Variants in ZNF91 observed in about 807,000 individuals in gnomAD.
ZNF91 encodes zinc finger protein 91 (HPF7, HTF10).
Under a neutral mutation model 12.6 loss-of-function variants are expected in ZNF91, and 7 were observed. That is an observed-to-expected ratio of 0.55 (90% confidence interval 0.31 to 1.04). The LOEUF is 1.04. ZNF91 is among the 50% of genes least tolerant of loss of function. The probability of loss-of-function intolerance (pLI) is 0.05; values close to 1 mark genes in which losing one functional copy is unlikely to be tolerated. For synonymous variants in ZNF91, 453 were observed against 462.6 expected (o/e 0.98, Z 0.27); for missense variants, 1,217 against 1,385.4 (o/e 0.88, Z 1.93).
At chr19:23,384,957 T>C (rs756770450) in intron 1 of ZNF91, 13 of 911,460 alleles carry the variant, frequency 1.4e-5, no homozygotes, top group Non-Finnish European at 2.2e-5. Flanking sequence ...TGCCAAGGCT[T>C]AGCTGCGAGC....
chr19:23,331,630 A>G (rs900868644), intron 1 of ZNF91, among the ~76,000 whole-genome samples: 10 of 152,154 alleles, frequency 6.6e-5, no homozygotes, highest in Admixed American at 6.5e-5. Flanking sequence ...GCTTTTTTTA[A>G]GCAGCTCTAG....
At chr19:23,374,966 C>T (rs1178800157) in intron 1 of ZNF91, among the ~76,000 whole-genome samples, 3 of 152,010 alleles carry the variant, frequency 2.0e-5, no homozygotes, top group Non-Finnish European at 4.4e-5. Context: ...GCATAATACC[C>T]ACAATATCAG....
Position 23,358,465 on chromosome 19 carries a change from A to T in ZNF91, c.*938T>A, listed in dbSNP as rs1968556702. On this transcript the variant is annotated 3_prime_UTR_variant, in exon 4 of 4. Transcript: ENST00000300619. ...AAAAGGTCATAAATAATGCCTCTTC[A>T]TATTTGTAATGCTTTTTCAAAATAC... is the stretch of plus-strand genomic sequence containing the variant. 1 of 152,176 alleles carries T rather than the reference A, an allele frequency of 6.6e-6. No homozygotes were observed. The highest frequency in any genetic ancestry group is 2.1e-4 in the South Asian group (1 of 4,834). The allele number at this position is 152,176 out of a possible 1,614,324, so 9.4% of individuals were successfully genotyped here.
intron 1 of ZNF91, among the ~76,000 whole-genome samples, chr19:23,319,469 T>C (rs1029477238): frequency 1.3e-5 from 2 of 152,232 alleles, no homozygotes. Flanking sequence ...CTGTCCTTTC[T>C]CCCAGGCCCC....
At chr19:23,372,289 C>T (rs1969312296) in intron 3 of ZNF91, among the ~76,000 whole-genome samples, 1 of 151,944 alleles carries the variant, frequency 6.6e-6, no homozygotes, top group Non-Finnish European at 1.5e-5. Context: ...CCATTCCTGA[C>T]AAAAATGCGT....
chr19:23,368,562 C>CTCTCTCTCTCTCTCTCTATATATA (rs768532900), intron 3 of ZNF91, among the ~76,000 whole-genome samples: 1 of 118,578 alleles, frequency 8.4e-6, no homozygotes, highest in African/African-American at 3.3e-5. Flanking sequence ...CTCTCTCTCT[C>CTCTCTCTCTCTCTCTCTATATATA]TATATATATA....
chr19:23,368,562 C>CTCTATATATATATA (rs768532900), intron 3 of ZNF91, among the ~76,000 whole-genome samples: 5 of 118,578 alleles, frequency 4.2e-5, no homozygotes, highest in African/African-American at 1.6e-4. Flanking sequence ...CTCTCTCTCT[C>CTCTATATATATATA]TATATATATA....
chr19:23,360,744 T>C lies in ZNF91; in HGVS notation c.2235A>G (p.Glu745=). ...IHTGEKPYKC[E]ECGKAFNWSS... is the part of the protein sequence containing the mutation. ...ACCAGTTAAATGCTTTGCCACATTC[T>C]TCACACTTGTAAGGTTTCTCTCCAG... Residue 745 remains glutamate (E), a synonymous_variant, in exon 4 of 4, where the codon GAA becomes GAG. Coordinates refer to ENST00000300619, the MANE Select transcript of ZNF91 (RefSeq NM_003430.4). The C allele has an allele frequency of 1.9e-6, 3 of 1,613,776 alleles. No individual in the cohort carries two copies. Among genetic ancestry groups the C allele is most frequent in the Non-Finnish European group, 2.5e-6 (3 of 1,179,812 alleles).
chr19:23,339,631 T>C (rs1245392730), intron 3 of ZNF91: 4 of 152,148 alleles, frequency 2.6e-5, no homozygotes, highest in African/African-American at 9.7e-5. Context: ...CAACAGTGAC[T>C]ATGTAAATGA....
intron 1 of ZNF91, among the ~76,000 whole-genome samples, chr19:23,378,968 A>G (rs1694915740): frequency 6.6e-6 from 1 of 152,116 alleles, no homozygotes; most frequent in Non-Finnish European, 1.5e-5. Flanking sequence ...GTACCAACCA[A>G]AGACATCTCT....
chr19:23,330,960 T>C (rs1171373164), intron 1 of ZNF91, among the ~76,000 whole-genome samples: 1 of 152,200 alleles, frequency 6.6e-6, no homozygotes, highest in Admixed American at 6.5e-5. Flanking sequence ...TTGGAATCAA[T>C]AGTATGTTCA....
chr19:23,350,833 C>A (rs1374215547), intron 3 of ZNF91, among the ~76,000 whole-genome samples: 3 of 152,068 alleles, frequency 2.0e-5, no homozygotes, highest in Non-Finnish European at 4.4e-5. Flanking sequence ...TTCCTTTTTA[C>A]AGAGGACTAT....
rs1041689660 is a variant in ZNF91 at position 23,389,110 on chromosome 19, G to A, written c.30+6215C>T. Among the ~76,000 whole-genome samples the A allele has an allele frequency of 5.3e-5, 8 of 151,902 alleles. No individual in the cohort carries two copies. The East Asian group carries it at 1.4e-3, about 26-fold the overall frequency. On this transcript the variant is annotated intron_variant, in intron 1 of 3. Coordinates refer to ENST00000300619, the MANE Select transcript of ZNF91 (RefSeq NM_003430.4). ...ACAAAACCACCATGACACAATTTTA[G>A]CTGTATAACAAACCTGCATGTGTAC... is the stretch of plus-strand genomic sequence containing the variant.
chr19:23,330,818 A>C (rs1599694057), intron 1 of ZNF91, among the ~76,000 whole-genome samples: 4 of 152,346 alleles, frequency 2.6e-5, no homozygotes, highest in African/African-American at 9.6e-5. Context: ...GTTAAATCTT[A>C]AGGTACTCTA....
At chr19:23,387,941 CAAAAAAA>C (rs71163499) in intron 1 of ZNF91, among the ~76,000 whole-genome samples, 1 of 56,306 alleles carries the variant, frequency 1.8e-5, no homozygotes. Context: ...GAGACTGTCT[CAAAAAAA>C]AAAAAAAAAA....
chr19:23,373,512 G>C (rs557225932), intron 3 of ZNF91, among the ~76,000 whole-genome samples: 7 of 151,750 alleles, frequency 4.6e-5, no homozygotes, highest in Non-Finnish European at 1.0e-4. Context: ...GCCATGAACA[G>C]TACTCTGGCT....
intron 1 of ZNF91, among the ~76,000 whole-genome samples, chr19:23,385,733 A>G (rs1394892890): frequency 1.3e-5 from 2 of 152,166 alleles, no homozygotes; most frequent in Non-Finnish European, 2.9e-5. Context: ...TCTTTTCTAT[A>G]TATTGCTTGG....
Position 23,358,137 on chromosome 19 carries a change from G to A in ZNF91, c.*1266C>T, listed in dbSNP as rs1162330190. 1 of 152,072 alleles carries A rather than the reference G, an allele frequency of 6.6e-6. No homozygotes were observed. Among genetic ancestry groups the A allele is most frequent in the Non-Finnish European group, 1.5e-5 (1 of 67,988 alleles). The allele number at this position is 152,072 out of a possible 1,614,324, so 9.4% of individuals were successfully genotyped here. A position where few individuals can be genotyped will look rare whatever the true frequency, so the allele number is the denominator to read the frequency against. On this transcript the variant is annotated 3_prime_UTR_variant, in exon 4 of 4. Transcript: ENST00000300619. ...CTTGAGTAAGGTGGAATAGGTTAAAGTTACTGGCATAATAACACTTCATTG... is the reference window on the plus strand; with the variant it reads ...CTTGAGTAAGGTGGAATAGGTTAAAATTACTGGCATAATAACACTTCATTG...
At position 23,373,834 on chromosome 19, in the gene ZNF91, A is replaced by G. The variant is rs1219543814; in HGVS notation, c.161T>C (p.Ile54Thr). 1.3e-6 allele frequency: 2 copies of G among 1,596,752 alleles called. No individual in the cohort carries two copies. The highest frequency in any genetic ancestry group is 1.3e-5 in the African/African-American group (1 of 74,132). The change falls in exon 3 of 4, where the codon ATT becomes ACT. Residue 54 changes from isoleucine to threonine, a missense_variant. Ile to Thr is a moderately conservative substitution (Grantham distance 89). Coordinates refer to ENST00000300619, the MANE Select transcript of ZNF91 (RefSeq NM_003430.4). ...ENYRNLAFLG[I>T]ALSKPDLITY... The stretch of plus-strand genomic sequence containing the variant: ...AATCAGGTCTGGCTTAGAGAGAGCA[A>G]TACCTGTTTTATTAAAAATAACTAA...
Sources: allele counts gnomAD v4.1 joint callset (sites outside exome capture counted in the v4.1 genomes callset), GRCh38; gene constraint gnomAD v4.1.1; transcripts MANE v1.5; gene names NCBI Gene and HGNC (gene_info 2026-07-23, HGNC 2026-07-21).